The following ATG7 variants were observed in gnomAD, a reference collection of about 807,000 sequenced individuals.
The protein encoded by ATG7 is ubiquitin-like modifier-activating enzyme ATG7.
A neutral mutation model predicts 82.4 loss-of-function variants in ATG7; 70 were observed. The observed-to-expected ratio is 0.85, with a 90% confidence interval of 0.70 to 1.04. The LOEUF (loss-of-function observed/expected upper bound fraction) is 1.04. Ranked by LOEUF, ATG7 falls within the 50% of genes least tolerant of loss-of-function variation. The pLI is 0.00. For missense variants in ATG7, 792 were observed against 864.3 expected, an observed-to-expected ratio of 0.92 and a Z score of 1.05; for synonymous variants, 287 against 313.0, an observed-to-expected ratio of 0.92 and a Z score of 0.88.
At chr3:11,440,723 G>A (rs1180736995) in intron 20 of ATG7, among the ~76,000 whole-genome samples, 3 of 103,394 alleles carry the variant, frequency 2.9e-5, no homozygotes, top group African/African-American at 1.2e-4. Flanking sequence ...CGCTCTTGTC[G>A]CCCAGGCTGG....
intron 13 of ATG7, among the ~76,000 whole-genome samples, chr3:11,342,866 T>C (rs1013833326): frequency 6.6e-6 from 1 of 152,044 alleles, no homozygotes; most frequent in Non-Finnish European, 1.5e-5. Context: ...ACCCTGGACA[T>C]AGAATTACTG....
chr3:11,399,491 C>A (rs917658716), intron 19 of ATG7, among the ~76,000 whole-genome samples: 2 of 151,938 alleles, frequency 1.3e-5, no homozygotes, highest in African/African-American at 4.8e-5. Flanking sequence ...TTATATAAGT[C>A]GCTGGTTTTA....
chr3:11,514,358 T>G (rs1364002032), intron 20 of ATG7, among the ~76,000 whole-genome samples: 1 of 152,230 alleles, frequency 6.6e-6, no homozygotes, highest in Non-Finnish European at 1.5e-5. Context: ...GCAATTCATT[T>G]TCTTGGGATG....
chr3:11,544,447 A>G (rs1383012379), intron 20 of ATG7, among the ~76,000 whole-genome samples: 5 of 152,310 alleles, frequency 3.3e-5, no homozygotes, highest in African/African-American at 1.2e-4. Context: ...CTTAGAGTCC[A>G]GAAGCAAGAA....
intron 20 of ATG7, among the ~76,000 whole-genome samples, chr3:11,451,186 T>A (rs886149106): frequency 3.3e-5 from 5 of 151,108 alleles, no homozygotes; most frequent in Non-Finnish European, 7.4e-5. Context: ...AACAAGAACT[T>A]GATAAAATAG....
rs1036935586 is a variant in ATG7 at position 11,339,295 on chromosome 3, C to CAAAAA, written c.890-1336_890-1332dup. ...TGGGCGACAGAGCGAGACTCTGTTT[C>CAAAAA]AAAAAAAAAAAAAAAAAAGAAAAGA... On this transcript the variant is annotated intron_variant, in intron 11 of 20. Coordinates refer to ENST00000693202, the MANE Select transcript of ATG7 (RefSeq NM_001349232.2). Among the ~76,000 whole-genome samples, 12 of 89,664 alleles carry CAAAAA rather than the reference C, an allele frequency of 1.3e-4. No individual in the cohort carries two copies. In the South Asian group the frequency reaches 1.9e-3, roughly 14 times the overall value. The allele number at this position is 89,664 out of a possible 152,430, so 58.8% of individuals were successfully genotyped here.
At chr3:11,293,782 C>G (rs1945370563) in intron 3 of ATG7, among the ~76,000 whole-genome samples, 1 of 150,258 alleles carries the variant, frequency 6.7e-6, no homozygotes, top group African/African-American at 2.4e-5. Context: ...ACCCAGGAGG[C>G]AGAGGTTTCA....
At chr3:11,367,442 A>T (rs1000923646) in intron 18 of ATG7, among the ~76,000 whole-genome samples, 2 of 152,188 alleles carry the variant, frequency 1.3e-5, no homozygotes, top group African/African-American at 4.8e-5. Flanking sequence ...ATGTAGTAGA[A>T]AAGTGATAGT....
the ATG7 span, among the ~76,000 whole-genome samples, chr3:11,572,546 C>G: frequency 4.5e-4 from 69 of 152,340 alleles, no homozygotes; most frequent in Admixed American, 1.8e-3. Flanking sequence ...ATTCCCCTCT[C>G]TTCGTCCCCT....
intron 19 of ATG7, among the ~76,000 whole-genome samples, chr3:11,417,912 G>A (rs548917382): frequency 8.4e-4 from 126 of 150,050 alleles, no homozygotes; most frequent in African/African-American, 3.1e-3. Context: ...CTGGGTTCAC[G>A]CCATTCTGCC....
intron 11 of ATG7, among the ~76,000 whole-genome samples, chr3:11,339,171 G>A (rs541506360): frequency 3.8e-4 from 57 of 151,538 alleles, no homozygotes; most frequent in African/African-American, 1.1e-3. Context: ...TGGCGGGCGC[G>A]TGTACTCCCA....
At chr3:11,426,728 T>C in intron 19 of ATG7, 76 bp from the exon 20 acceptor site, 1 of 1,335,764 alleles carries the variant, frequency 7.5e-7, no homozygotes, top group East Asian at 2.5e-5. Flanking sequence ...TGACAAGAGC[T>C]TGTTAGAAGT....
intron 19 of ATG7, among the ~76,000 whole-genome samples, chr3:11,391,200 T>G (rs540398939): frequency 6.6e-6 from 1 of 152,368 alleles, no homozygotes; most frequent in East Asian, 1.9e-4. Context: ...AAAAAGGGCC[T>G]GGCCTCAAGA....
At chr3:11,456,572 C>T (rs2085737898) in intron 20 of ATG7, among the ~76,000 whole-genome samples, 1 of 152,142 alleles carries the variant, frequency 6.6e-6, no homozygotes, top group Admixed American at 6.5e-5. Context: ...TATTCTGATA[C>T]TTAAACCCAT....
chr3:11,383,117 C>T (rs1031261896), intron 19 of ATG7, among the ~76,000 whole-genome samples: 1 of 152,206 alleles, frequency 6.6e-6, no homozygotes, highest in Non-Finnish European at 1.5e-5. Context: ...AATCCACAGT[C>T]TGTGTATTCA....
intron 9 of ATG7, among the ~76,000 whole-genome samples, chr3:11,323,385 C>A (rs1177154997): frequency 1.3e-5 from 2 of 152,334 alleles, no homozygotes; most frequent in South Asian, 4.1e-4. Context: ...TTCCCTCCTA[C>A]CAGCTGTGTA....
intron 20 of ATG7, among the ~76,000 whole-genome samples, chr3:11,540,196 CT>C (rs2070705498): frequency 6.6e-6 from 1 of 152,228 alleles, no homozygotes; most frequent in South Asian, 2.1e-4. Flanking sequence ...GTGCCATGTG[CT>C]TGTCAGCACT....
At chr3:11,390,974 G>A (rs750188826) in intron 19 of ATG7, among the ~76,000 whole-genome samples, 11 of 152,150 alleles carry the variant, frequency 7.2e-5, no homozygotes, top group Non-Finnish European at 1.3e-4. Flanking sequence ...GTTTCCTCAG[G>A]TATGATGTAG....
the ATG7 span, chr3:11,569,009 C>T: frequency 1.0e-6 from 1 of 976,150 alleles, no homozygotes; most frequent in Non-Finnish European, 1.3e-6. Flanking sequence ...CAGGACAGAG[C>T]TTTCTGAGTA....
Sources: gnomAD v4.1 joint callset for allele counts (sites outside exome capture counted in the v4.1 genomes callset) on GRCh38, gnomAD v4.1.1 for gene constraint, MANE v1.5 for transcripts, NCBI Gene and HGNC (gene_info 2026-07-23, HGNC 2026-07-21) for gene names.